The following NEK1 variants were observed in gnomAD, a reference collection of about 807,000 sequenced individuals.
NEK1 encodes the protein NIMA related kinase 1, also known as serine/threonine-protein kinase Nek1.
NEK1 carries 137 observed loss-of-function variants against 182.1 expected under a neutral mutation model. The ratio of observed to expected loss-of-function variants is 0.75; its 90% CI spans 0.65 to 0.87. The LOEUF (loss-of-function observed/expected upper bound fraction) is 0.87. Among genes scored for constraint, NEK1 ranks in the 40% least tolerant of loss-of-function variants. The pLI is 0.00. For missense variants in NEK1, 1,391 were observed against 1,494.4 expected (o/e 0.93, Z 1.14); for synonymous variants, 513 against 492.2 (o/e 1.04, Z -0.56).
chr4:169,583,991 T>C (rs890919519), intron 10 of NEK1, among the ~76,000 whole-genome samples: 18 of 152,144 alleles, frequency 1.2e-4, no homozygotes, highest in African/African-American at 3.9e-4. Context: ...AAAACTAATA[T>C]AAAAAAACTA....
At position 169,479,506 on chromosome 4, in the gene NEK1, T is replaced by C. The variant is rs768424209; in HGVS notation, c.2036A>G (p.Asp679Gly). Residue 679 changes from aspartate (D) to glycine (G), a missense_variant, in exon 24 of 36, where the codon GAT (aspartate) becomes GGT (glycine). Physicochemically the swap from Asp to Gly is moderately conservative, Grantham distance 94. Coordinates refer to ENST00000507142, the MANE Select transcript of NEK1 (RefSeq NM_001199397.3). The stretch of plus-strand genomic sequence containing the variant: ...ATGCTGTCCCAAAGGTGGAGAAACA[T>C]CAGAACTCTTAACTCCTTTAGCCAC... ...HLVAKGVKSS[D>G]VSPPLGQHET... 5 of 1,610,004 alleles carry C rather than the reference T, an allele frequency of 3.1e-6. No homozygotes were observed. The South Asian group carries it at 3.4e-5, about 11-fold the overall frequency.
intron 24 of NEK1, among the ~76,000 whole-genome samples, chr4:169,477,975 T>C (rs1226705615): frequency 6.6e-6 from 1 of 152,098 alleles, no homozygotes; most frequent in Non-Finnish European, 1.5e-5. Context: ...TAAGCCATAG[T>C]ACTAAATGTA....
intron 18 of NEK1, among the ~76,000 whole-genome samples, chr4:169,552,534 A>T (rs2149892510): frequency 6.6e-6 from 1 of 152,286 alleles, no homozygotes; most frequent in East Asian, 1.9e-4. Flanking sequence ...ATCAGGAACA[A>T]GACAAAGATG....
At chr4:169,602,358 A>G (rs1356105849) in intron 3 of NEK1, among the ~76,000 whole-genome samples, 156 bp downstream of exon 3, 2 of 152,120 alleles carry the variant, frequency 1.3e-5, no homozygotes, top group East Asian at 1.9e-4. Context: ...AAAAAATCTG[A>G]AAGAATATAT....
chr4:169,525,707 T>A (rs541672058), intron 19 of NEK1, among the ~76,000 whole-genome samples: 2 of 152,214 alleles, frequency 1.3e-5, no homozygotes, highest in Non-Finnish European at 2.9e-5. Flanking sequence ...AAGCTTAAAA[T>A]ATTTACTCTC....
chr4:169,577,128 TCTTTA>T, intron 11 of NEK1, 49 bp from the exon 12 acceptor site: 1 of 1,564,530 alleles, frequency 6.4e-7, no homozygotes, highest in Non-Finnish European at 8.8e-7. Context: ...TTACATTAAC[TCTTTA>T]CTTTCAGAAT....
At chr4:169,406,188 T>C (rs1732573093) in intron 32 of NEK1, among the ~76,000 whole-genome samples, 1 of 146,692 alleles carries the variant, frequency 6.8e-6, no homozygotes, top group Non-Finnish European at 1.5e-5. Context: ...CCTCCCAATG[T>C]GGTGGGATTG....
intron 31 of NEK1, among the ~76,000 whole-genome samples, chr4:169,407,187 T>C (rs186071917): frequency 5.3e-5 from 8 of 152,316 alleles, no homozygotes; most frequent in Non-Finnish European, 1.2e-4. Flanking sequence ...TTGTTCCGCT[T>C]TCACGGTGTT....
chr4:169,549,585 G>A (rs1026439255), intron 18 of NEK1, among the ~76,000 whole-genome samples: 3 of 152,062 alleles, frequency 2.0e-5, no homozygotes, highest in Admixed American at 2.0e-4. Flanking sequence ...ACCATGCCTG[G>A]CTAATTTTTG....
At chr4:169,431,148 A>G (rs79000823) in intron 29 of NEK1, among the ~76,000 whole-genome samples, 2,126 of 152,282 alleles carry the variant, frequency 0.014, 24 homozygotes, top group Non-Finnish European at 0.02. Context: ...AGCTGAAAAC[A>G]GAAGGATGAG....
intron 23 of NEK1, among the ~76,000 whole-genome samples, chr4:169,499,327 C>T (rs1409298692): frequency 6.6e-6 from 1 of 152,000 alleles, no homozygotes; most frequent in Non-Finnish European, 1.5e-5. Context: ...AGGTTTTTAA[C>T]TTCTTTGCCA....
chr4:169,607,179 C>T (rs891171348), intron 2 of NEK1, among the ~76,000 whole-genome samples: 2 of 152,216 alleles, frequency 1.3e-5, no homozygotes, highest in Admixed American at 6.5e-5. Context: ...TTCACTGATA[C>T]TTCATCAGAC....
intron 19 of NEK1, among the ~76,000 whole-genome samples, chr4:169,532,174 G>A (rs548645737): frequency 9.9e-5 from 15 of 152,110 alleles, no homozygotes; most frequent in African/African-American, 2.7e-4. Context: ...TGATGGTGGC[G>A]GCTACGTAAC....
chr4:169,446,317 A>G lies in NEK1; in HGVS notation c.2588-8058T>C, dbSNP rs188648870. 2.0e-5 allele frequency among the ~76,000 whole-genome samples: 3 copies of G among 152,286 alleles called. No homozygotes were observed. In the East Asian group the frequency reaches 5.8e-4, roughly 29 times the overall value. On this transcript the variant is annotated intron_variant, in intron 27 of 35. Coordinates refer to ENST00000507142, the MANE Select transcript of NEK1 (RefSeq NM_001199397.3). ...AGAGAAAAAGAGTGAAGACCCAAATAAAGAAAATAAAAAACAAAGAGCCAT... is the reference window on the plus strand; with the variant it reads ...AGAGAAAAAGAGTGAAGACCCAAATGAAGAAAATAAAAAACAAAGAGCCAT...
chr4:169,600,995 G>C (rs984933039), intron 4 of NEK1, among the ~76,000 whole-genome samples: 4 of 151,996 alleles, frequency 2.6e-5, no homozygotes, highest in African/African-American at 9.7e-5. Context: ...AACAAAAAAA[G>C]AAACTAAAGG....
intron 23 of NEK1, among the ~76,000 whole-genome samples, chr4:169,483,973 GTTTGT>G (rs1158854986): frequency 8.6e-5 from 13 of 150,334 alleles, no homozygotes; most frequent in African/African-American, 2.2e-4. Context: ...TTGAAACTTT[GTTTGT>G]TTTAATTACT....
intron 16 of NEK1, among the ~76,000 whole-genome samples, chr4:169,556,792 G>A (rs1762228610): frequency 6.6e-6 from 1 of 151,774 alleles, no homozygotes; most frequent in Admixed American, 6.6e-5. Context: ...AAAGGCCTTG[G>A]GGAGAGATAT....
At chr4:169,555,609 C>T in intron 18 of NEK1, 111 bp downstream of exon 18, 1 of 1,440,918 alleles carries the variant, frequency 6.9e-7, no homozygotes, top group Non-Finnish European at 9.7e-7. Context: ...AGGCAAAAAA[C>T]ATCATATGTG....
intron 5 of NEK1, among the ~76,000 whole-genome samples, chr4:169,595,808 T>A (rs7687585): frequency 0.29 from 43,626 of 150,110 alleles, 8,895 homozygotes; most frequent in African/African-American, 0.59. Context: ...CTGTAGTCCC[T>A]GCTACTCAGG....
Sources: gnomAD v4.1 joint callset for allele counts (sites outside exome capture counted in the v4.1 genomes callset) on GRCh38, gnomAD v4.1.1 for gene constraint, MANE v1.5 for transcripts, NCBI Gene and HGNC (gene_info 2026-07-23, HGNC 2026-07-21) for gene names.